The following DEPTOR variants were observed in gnomAD, a reference collection of about 807,000 sequenced individuals.
DEPTOR encodes the protein DEP domain-containing mTOR-interacting protein.
DEPTOR carries 41 observed loss-of-function variants against 41.6 expected under a neutral mutation model. The ratio of observed to expected loss-of-function variants is 0.98; its 90% CI spans 0.77 to 1.28. The LOEUF is 1.28. Among genes scored for constraint, DEPTOR ranks in the 50% most tolerant of loss-of-function variants. DEPTOR has a pLI of 0.00. For missense variants in DEPTOR, 514 were observed against 527.9 expected (o/e 0.97, Z 0.26); for synonymous variants, 195 against 192.3 (o/e 1.01, Z -0.12).
At chr8:119,970,054 T>A (rs1420899142) in intron 4 of DEPTOR, among the ~76,000 whole-genome samples, 2 of 152,220 alleles carry the variant, frequency 1.3e-5, no homozygotes, top group Non-Finnish European at 2.9e-5. Context: ...TGGTGCGCTT[T>A]ACTCAAGGCA....
At chr8:119,911,080 T>C (rs1439982788) in intron 1 of DEPTOR, among the ~76,000 whole-genome samples, 1 of 152,182 alleles carries the variant, frequency 6.6e-6, no homozygotes, top group Non-Finnish European at 1.5e-5. Context: ...CACAGGACTT[T>C]AGTGAACAGG....
chr8:119,989,671 A>T (rs1357729502), intron 4 of DEPTOR, among the ~76,000 whole-genome samples: 1 of 152,190 alleles, frequency 6.6e-6, no homozygotes, highest in African/African-American at 2.4e-5. Context: ...AATGATATAA[A>T]CCTGTAATGT....
chr8:119,977,866 C>G (rs1420344324), intron 4 of DEPTOR, among the ~76,000 whole-genome samples: 1 of 151,738 alleles, frequency 6.6e-6, no homozygotes, highest in Non-Finnish European at 1.5e-5. Flanking sequence ...GCTATATTGC[C>G]CAGGCTGATC....
At chr8:119,884,886 G>T (rs964906488) in intron 1 of DEPTOR, among the ~76,000 whole-genome samples, 1 of 151,748 alleles carries the variant, frequency 6.6e-6, no homozygotes, top group South Asian at 2.1e-4. Flanking sequence ...AGCAATTCTT[G>T]TGCCTCAGCT....
Position 119,903,688 on chromosome 8 carries a change from C to A in DEPTOR, c.123-24712C>A, listed in dbSNP as rs78296695. 8.5e-5 allele frequency among the ~76,000 whole-genome samples: 13 copies of A among 152,310 alleles called. No homozygotes were observed. The East Asian group carries it at 2.3e-3, about 27-fold the overall frequency. On this transcript the variant is annotated intron_variant, in intron 1 of 8. Coordinates refer to ENST00000286234, the MANE Select transcript of DEPTOR (RefSeq NM_022783.4). ...TGAGAGTACTTATGGGGAATCCAGACTGACTCCTCTGGAGACCGAGTGGCC... is the reference window on the plus strand; with the variant it reads ...TGAGAGTACTTATGGGGAATCCAGAATGACTCCTCTGGAGACCGAGTGGCC...
chr8:119,890,299 G>GTTTT (rs148002389), intron 1 of DEPTOR, among the ~76,000 whole-genome samples: 2 of 117,354 alleles, frequency 1.7e-5, no homozygotes, highest in Non-Finnish European at 3.4e-5. Flanking sequence ...TTGTTTGTTT[G>GTTTT]TTGTTGTTGT....
rs111988054 is a variant in DEPTOR, at chr8:119,965,337, A to G, written c.531A>G (p.Glu177=). ...AATTCCTGGACTGGCTGGTTCAGGA[A>G]GGTGAGGCCACCACGAGGAAAGAGG... ...ASEFLDWLVQ[E]GEATTRKEAE... The change falls in exon 4 of 9, where the codon GAA becomes GAG. Residue 177 remains glutamate (E), a synonymous_variant. Transcript: ENST00000286234. The G allele has an allele frequency of 6.2e-7, 1 of 1,614,026 alleles. No individual in the cohort carries two copies. The highest frequency in any genetic ancestry group is 1.3e-5 in the African/African-American group (1 of 74,932).
At chr8:119,948,692 A>T (rs138354752) in intron 3 of DEPTOR, among the ~76,000 whole-genome samples, 5 of 152,144 alleles carry the variant, frequency 3.3e-5, no homozygotes, top group African/African-American at 7.2e-5. Context: ...CCCCATAGCT[A>T]TCACTCCCCT....
chr8:119,967,064 T>G (rs1296425380), intron 4 of DEPTOR, among the ~76,000 whole-genome samples: 1 of 151,802 alleles, frequency 6.6e-6, no homozygotes, highest in African/African-American at 2.4e-5. Flanking sequence ...ATGGGAGTCT[T>G]TTTTGTTTTG....
intron 1 of DEPTOR, among the ~76,000 whole-genome samples, chr8:119,897,673 G>A (rs6469861): frequency 0.5 from 75,773 of 152,088 alleles, 20,595 homozygotes; most frequent in East Asian, 0.92. Flanking sequence ...ATAATTTTAT[G>A]ACTATAACTG....
chr8:119,982,398 T>C (rs1828780017), intron 4 of DEPTOR, among the ~76,000 whole-genome samples: 1 of 152,186 alleles, frequency 6.6e-6, no homozygotes, highest in Admixed American at 6.5e-5. Context: ...TTCAAAGAGA[T>C]AGAAAGTGTT....
At chr8:119,984,961 C>T (rs1037484215) in intron 4 of DEPTOR, among the ~76,000 whole-genome samples, 5 of 152,052 alleles carry the variant, frequency 3.3e-5, no homozygotes, top group African/African-American at 7.2e-5. Context: ...CCAAGGCAGG[C>T]GGATCATGAG....
intron 4 of DEPTOR, among the ~76,000 whole-genome samples, chr8:119,977,494 C>T (rs1017506035): frequency 2.6e-5 from 4 of 152,018 alleles, no homozygotes; most frequent in African/African-American, 4.8e-5. Flanking sequence ...TTTTACTTTC[C>T]GAATTTAGAC....
intron 1 of DEPTOR, among the ~76,000 whole-genome samples, chr8:119,896,146 TA>T (rs1387238326): frequency 2.6e-5 from 4 of 152,158 alleles, no homozygotes. Context: ...ACAACAATAA[TA>T]AAAATAAAAA....
chr8:119,980,039 T>C (rs1250422509), intron 4 of DEPTOR, among the ~76,000 whole-genome samples: 1 of 152,130 alleles, frequency 6.6e-6, no homozygotes, highest in African/African-American at 2.4e-5. Context: ...AACTTGTTTG[T>C]TGGTTGGCTG....
chr8:120,013,493 A>G (rs1279077819), intron 8 of DEPTOR, among the ~76,000 whole-genome samples: 1 of 152,170 alleles, frequency 6.6e-6, no homozygotes, highest in African/African-American at 2.4e-5. Flanking sequence ...CATTGCTGCT[A>G]TCTTCAACTC....
chr8:119,884,358 G>A (rs566986478), intron 1 of DEPTOR, among the ~76,000 whole-genome samples: 1 of 152,180 alleles, frequency 6.6e-6, no homozygotes, highest in African/African-American at 2.4e-5. Context: ...GCACCTGGCC[G>A]GTTGCATTTT....
Position 119,877,162 on chromosome 8 carries a change from G to T in DEPTOR, c.122+3194G>T, listed in dbSNP as rs561901132. On this transcript the variant is annotated intron_variant, in intron 1 of 8. Coordinates refer to ENST00000286234, the MANE Select transcript of DEPTOR (RefSeq NM_022783.4). Reference sequence around the variant, plus strand: ...CTGATGACACTTCTTCAGGAGCTCTGTGAGGATTAAATGAGATGCTACATG... The same window carrying T: ...CTGATGACACTTCTTCAGGAGCTCTTTGAGGATTAAATGAGATGCTACATG... Among the ~76,000 whole-genome samples the T allele has an allele frequency of 2.6e-5, 4 of 152,316 alleles. No homozygotes were observed. In the South Asian group the frequency reaches 6.2e-4, roughly 24 times the overall value.
rs558019091 is a variant in DEPTOR, at chr8:120,021,359, C to T, written c.1101+12226C>T. Among the ~76,000 whole-genome samples the T allele has an allele frequency of 8.5e-5, 13 of 152,180 alleles. No individual in the cohort carries two copies. The South Asian group carries it at 1.5e-3, about 17-fold the overall frequency. ...CAGAGGTTGCAGTGAGCTGAGATTG[C>T]GCCACTGTACTCCAGCCTGGGCGAC... On this transcript the variant is annotated intron_variant, in intron 8 of 8. Coordinates refer to ENST00000286234, the MANE Select transcript of DEPTOR (RefSeq NM_022783.4).
Sources: allele counts gnomAD v4.1 joint callset (sites outside exome capture counted in the v4.1 genomes callset), GRCh38; gene constraint gnomAD v4.1.1; transcripts MANE v1.5; gene names NCBI Gene and HGNC (gene_info 2026-07-23, HGNC 2026-07-21).